The following FBXL7 variants were observed in gnomAD, a reference collection of about 807,000 sequenced individuals.
The protein encoded by FBXL7 is F-box and leucine rich repeat protein 7.
In FBXL7, 12 loss-of-function variants were observed where a neutral mutation model predicts 38.3. The observed-to-expected ratio is 0.31, with a 90% CI of 0.20 to 0.51. The LOEUF (loss-of-function observed/expected upper bound fraction) is 0.51, where lower values mean the gene tolerates loss of function less well. FBXL7 is among the 20% of genes least tolerant of loss of function. FBXL7 has a pLI of 0.98. For missense variants in FBXL7, 567 were observed against 676.4 expected, an observed-to-expected ratio of 0.84 and a Z score of 1.79; for synonymous variants, 297 against 300.9, an observed-to-expected ratio of 0.99 and a Z score of 0.13.
At chr5:15,662,456 C>G (rs1300798909) in intron 2 of FBXL7, among the ~76,000 whole-genome samples, 1 of 152,130 alleles carries the variant, frequency 6.6e-6, no homozygotes, top group Non-Finnish European at 1.5e-5. Context: ...TGTAGGTTGT[C>G]TGTTTACTCT....
At chr5:15,534,269 C>T (rs1411377519) in intron 1 of FBXL7, among the ~76,000 whole-genome samples, 1 of 152,136 alleles carries the variant, frequency 6.6e-6, no homozygotes, top group Non-Finnish European at 1.5e-5. Flanking sequence ...CATGAATCTA[C>T]CATTAGAGTA....
chr5:15,623,784 T>A (rs1261301384), intron 2 of FBXL7, among the ~76,000 whole-genome samples: 2 of 152,198 alleles, frequency 1.3e-5, no homozygotes, highest in Non-Finnish European at 1.5e-5. Flanking sequence ...ATTTCAGGCT[T>A]TCGTGAGCAT....
At chr5:15,575,870 G>C (rs898240691) in intron 1 of FBXL7, among the ~76,000 whole-genome samples, 1 of 152,068 alleles carries the variant, frequency 6.6e-6, no homozygotes, top group East Asian at 1.9e-4. Flanking sequence ...CAAATAACTA[G>C]TTTCCACAAA....
chr5:15,575,820 T>C (rs1397597872), intron 1 of FBXL7, among the ~76,000 whole-genome samples: 1 of 152,204 alleles, frequency 6.6e-6, no homozygotes, highest in East Asian at 1.9e-4. Context: ...CTTTTTGTTT[T>C]AGCACAATAT....
chr5:15,736,426 A>T (rs2126669672), intron 2 of FBXL7, among the ~76,000 whole-genome samples: 1 of 152,326 alleles, frequency 6.6e-6, no homozygotes, highest in Non-Finnish European at 1.5e-5. Flanking sequence ...GTGGCCCTTA[A>T]GTTCTCATAA....
chr5:15,597,237 C>T (rs1739650465), intron 1 of FBXL7, among the ~76,000 whole-genome samples: 1 of 152,084 alleles, frequency 6.6e-6, no homozygotes. Flanking sequence ...CCACCATCCG[C>T]ACACATTTTG....
intron 2 of FBXL7, among the ~76,000 whole-genome samples, chr5:15,736,010 T>C (rs1197103968): frequency 6.6e-6 from 1 of 152,194 alleles, no homozygotes; most frequent in Non-Finnish European, 1.5e-5. Context: ...AGCCATGGAA[T>C]TGGATTTGAT....
intron 2 of FBXL7, among the ~76,000 whole-genome samples, chr5:15,847,285 C>G (rs150014483): frequency 1.3e-5 from 2 of 152,276 alleles, no homozygotes; most frequent in African/African-American, 4.8e-5. Flanking sequence ...GGGAAGCAAA[C>G]ACATCCTTAT....
intron 2 of FBXL7, among the ~76,000 whole-genome samples, chr5:15,797,730 G>A (rs929449290): frequency 6.6e-5 from 10 of 152,194 alleles, no homozygotes; most frequent in Admixed American, 2.6e-4. Flanking sequence ...TTACATGTTG[G>A]ATAGTTGGAA....
intron 2 of FBXL7, among the ~76,000 whole-genome samples, chr5:15,815,860 T>C (rs1175706159): frequency 3.3e-5 from 5 of 152,298 alleles, no homozygotes; most frequent in South Asian, 2.1e-4. Context: ...GATTAATTTG[T>C]AGTATGTTTC....
At chr5:15,923,021 A>T (rs1741784060) in intron 2 of FBXL7, among the ~76,000 whole-genome samples, 1 of 152,238 alleles carries the variant, frequency 6.6e-6, no homozygotes, top group South Asian at 2.1e-4. Flanking sequence ...AAATATAGTC[A>T]GCTTTATTTT....
rs560032047 is a variant in FBXL7 at position 15,676,894 on chromosome 5, C to G, written c.127+60822C>G. 7.9e-5 allele frequency among the ~76,000 whole-genome samples: 12 copies of G among 152,306 alleles called. No homozygotes were observed. The South Asian group carries it at 2.5e-3, about 32-fold the overall frequency. Reference sequence around the variant, plus strand: ...AGCAGCTTGTCATTAAGTATGCTACCTGGGAAATCTCCAGTCAAACACTCC... The same window carrying G: ...AGCAGCTTGTCATTAAGTATGCTACGTGGGAAATCTCCAGTCAAACACTCC... On this transcript the variant is annotated intron_variant, in intron 2 of 3. Coordinates refer to ENST00000504595, the MANE Select transcript of FBXL7 (RefSeq NM_012304.5).
chr5:15,590,678 C>G (rs951242158), intron 1 of FBXL7, among the ~76,000 whole-genome samples: 1 of 152,032 alleles, frequency 6.6e-6, no homozygotes, highest in Non-Finnish European at 1.5e-5. Context: ...GTCTGAGCAA[C>G]TTGCCTTTAT....
At chr5:15,584,280 T>C (rs987973142) in intron 1 of FBXL7, among the ~76,000 whole-genome samples, 1 of 152,240 alleles carries the variant, frequency 6.6e-6, no homozygotes, top group African/African-American at 2.4e-5. Context: ...AATATTTGAC[T>C]CCTTGTTACT....
chr5:15,814,662 A>G (rs1304583968), intron 2 of FBXL7, among the ~76,000 whole-genome samples: 1 of 152,198 alleles, frequency 6.6e-6, no homozygotes, highest in Non-Finnish European at 1.5e-5. Context: ...GTAGAATTTA[A>G]AAAAATGTTC....
chr5:15,811,979 A>G (rs541405055), intron 2 of FBXL7, among the ~76,000 whole-genome samples: 2 of 152,292 alleles, frequency 1.3e-5, no homozygotes, highest in East Asian at 1.9e-4. Flanking sequence ...CAGCAATCCC[A>G]TTACTGGGTA....
intron 2 of FBXL7, among the ~76,000 whole-genome samples, chr5:15,792,815 A>G (rs989318953): frequency 2.0e-5 from 3 of 152,198 alleles, no homozygotes; most frequent in African/African-American, 7.2e-5. Flanking sequence ...CTGCCACAGT[A>G]GCATAGACCA....
intron 2 of FBXL7, among the ~76,000 whole-genome samples, chr5:15,893,806 C>A (rs977186843): frequency 5.3e-5 from 8 of 152,180 alleles, no homozygotes; most frequent in African/African-American, 1.9e-4. Flanking sequence ...TAAATCATTT[C>A]TCTCTGTTTT....
At chr5:15,581,056 A>G (rs998093831) in intron 1 of FBXL7, among the ~76,000 whole-genome samples, 1 of 152,114 alleles carries the variant, frequency 6.6e-6, no homozygotes, top group Admixed American at 6.5e-5. Context: ...GCTTCCTTAC[A>G]TATAATTGAG....
Sources: allele counts gnomAD v4.1 joint callset (sites outside exome capture counted in the v4.1 genomes callset), GRCh38; gene constraint gnomAD v4.1.1; transcripts MANE v1.5; gene names NCBI Gene and HGNC (gene_info 2026-07-23, HGNC 2026-07-21).